RGS7: variants seen among roughly 807,000 people sequenced by gnomAD.
RGS7 encodes the protein regulator of G-protein signaling 7.
A neutral mutation model predicts 81.1 loss-of-function variants in RGS7; 27 were observed. That is an observed-to-expected ratio of 0.33 (90% CI 0.25 to 0.46). The LOEUF is 0.46. RGS7 is among the 20% of genes least tolerant of loss of function. The pLI is 1.00. For missense variants in RGS7, 396 were observed against 607.4 expected (o/e 0.65, Z 3.66); for synonymous variants, 208 against 207.7 (o/e 1.00, Z -0.01).
chr1:240,967,640 T>C (rs1002563254), intron 4 of RGS7, among the ~76,000 whole-genome samples: 2 of 147,668 alleles, frequency 1.4e-5, no homozygotes, highest in Non-Finnish European at 3.0e-5. Flanking sequence ...AGACATGAGA[T>C]ACTGGTTCAC....
chr1:240,830,868 G>T (rs1450341090), intron 9 of RGS7, among the ~76,000 whole-genome samples: 2 of 152,112 alleles, frequency 1.3e-5, no homozygotes, highest in African/African-American at 2.4e-5. Flanking sequence ...CCTCCCCAGA[G>T]GAACATATCT....
chr1:240,825,940 G>T (rs1692732943), intron 10 of RGS7, among the ~76,000 whole-genome samples: 1 of 152,208 alleles, frequency 6.6e-6, no homozygotes, highest in Non-Finnish European at 1.5e-5. Flanking sequence ...ACCCAATAAA[G>T]TATTTCGAAG....
At chr1:240,790,606 TA>T in intron 18 of RGS7, among the ~76,000 whole-genome samples, 1 of 152,320 alleles carries the variant, frequency 6.6e-6, no homozygotes, top group African/African-American at 2.4e-5. Context: ...CTAGGATTAA[TA>T]GCTGGAAGTT....
chr1:241,336,428 T>A (rs1423137084), intron 2 of RGS7, among the ~76,000 whole-genome samples: 1 of 152,134 alleles, frequency 6.6e-6, no homozygotes, highest in South Asian at 2.1e-4. Context: ...AAGTAGAAAC[T>A]AAGAGAAGGA....
At chr1:241,116,021 T>C (rs2065865885) in intron 2 of RGS7, among the ~76,000 whole-genome samples, 2 of 152,148 alleles carry the variant, frequency 1.3e-5, no homozygotes, top group Admixed American at 1.3e-4. Context: ...CCACCACGTG[T>C]GCTTCCTCTT....
intron 3 of RGS7, among the ~76,000 whole-genome samples, chr1:241,096,535 A>G (rs2064270929): frequency 6.6e-6 from 1 of 152,202 alleles, no homozygotes; most frequent in South Asian, 2.1e-4. Context: ...CATTAACGTG[A>G]AAAATGTCAT....
chr1:241,252,122 C>A (rs2076861842), intron 2 of RGS7, among the ~76,000 whole-genome samples: 1 of 151,516 alleles, frequency 6.6e-6, no homozygotes. Context: ...CGGCTCACTG[C>A]AACCTCCACC....
At chr1:240,827,205 C>A (rs779892114) in intron 9 of RGS7, 33 bp from the exon 10 acceptor site, 2 of 1,552,232 alleles carry the variant, frequency 1.3e-6, no homozygotes, top group Non-Finnish European at 1.8e-6. Flanking sequence ...ACAAATGAAT[C>A]TTTGGGTGTG....
chr1:240,855,308 C>CAAAAAAAAAAAAA (rs758331434), intron 9 of RGS7, among the ~76,000 whole-genome samples: 3 of 14,922 alleles, frequency 2.0e-4, no homozygotes, highest in African/African-American at 5.5e-4. Context: ...GACCATGTCT[C>CAAAAAAAAAAAAA]AAAAAAAAAA....
intron 2 of RGS7, among the ~76,000 whole-genome samples, chr1:241,221,039 A>AAGGAAGGAAGGAAGGAAGGAAAAG (rs1553289605): frequency 2.2e-5 from 2 of 92,792 alleles, no homozygotes; most frequent in African/African-American, 7.9e-5. Context: ...GGAAGGAAGG[A>AAGGAAGGAAGGAAGGAAGGAAAAG]AAAGAAAGAA....
intron 3 of RGS7, among the ~76,000 whole-genome samples, chr1:241,089,259 G>A (rs144640677): frequency 0.045 from 6,843 of 150,548 alleles, 545 homozygotes; most frequent in African/African-American, 0.16. Flanking sequence ...AAGAGAGGAA[G>A]TGATACCAGA....
intron 2 of RGS7, among the ~76,000 whole-genome samples, chr1:241,153,569 G>A (rs577547711): frequency 3.9e-5 from 6 of 152,362 alleles, no homozygotes; most frequent in African/African-American, 1.2e-4. Flanking sequence ...ACAGAGGGGG[G>A]CTTGCCCCAG....
chr1:240,845,485 C>T (rs1488349954), intron 9 of RGS7, among the ~76,000 whole-genome samples: 2 of 152,174 alleles, frequency 1.3e-5, no homozygotes, highest in Non-Finnish European at 2.9e-5. Flanking sequence ...ACAAAGTTTG[C>T]ATCCTATGCA....
chr1:240,812,065 C>G, intron 13 of RGS7, 22 bp from the exon 14 acceptor site: 1 of 1,613,856 alleles, frequency 6.2e-7, no homozygotes, highest in Non-Finnish European at 8.5e-7. Flanking sequence ...AAAACAAAGG[C>G]AAATACATTC....
chr1:240,996,695 T>C (rs1687340542), intron 3 of RGS7, among the ~76,000 whole-genome samples: 1 of 152,204 alleles, frequency 6.6e-6, no homozygotes, highest in Non-Finnish European at 1.5e-5. Context: ...TGTTGTTATA[T>C]TTGAAGCAAG....
At chr1:241,217,066 G>A (rs887502017) in intron 2 of RGS7, among the ~76,000 whole-genome samples, 2 of 152,180 alleles carry the variant, frequency 1.3e-5, no homozygotes, top group African/African-American at 4.8e-5. Context: ...CTAACCTCCA[G>A]TGTGGCTGTA....
chr1:240,920,957 A>G (rs1260232289), intron 6 of RGS7, among the ~76,000 whole-genome samples: 1 of 124,870 alleles, frequency 8.0e-6, no homozygotes, highest in Non-Finnish European at 1.8e-5. Flanking sequence ...TTTTTTTTTT[A>G]ATGTACTGTA....
Position 241,283,343 on chromosome 1 carries a change from T to C in RGS7, c.78+72356A>G, listed in dbSNP as rs1273273901. On this transcript the variant is annotated intron_variant, in intron 2 of 18. Transcript: ENST00000440928. ...TTACAGCAGGTCTGCTGGCAGTATA[T>C]TCTATTAGTTTTCCTCCATTTGAGA... Among the ~76,000 whole-genome samples, 3 of 152,230 alleles carry C rather than the reference T, an allele frequency of 2.0e-5. No homozygotes were observed. The East Asian group carries it at 5.8e-4, about 29-fold the overall frequency.
chr1:240,969,661 T>G (rs892483888), intron 4 of RGS7, among the ~76,000 whole-genome samples: 1 of 152,204 alleles, frequency 6.6e-6, no homozygotes, highest in Non-Finnish European at 1.5e-5. Flanking sequence ...GTCACAAAAC[T>G]CTGGGACTGG....
Sources: gnomAD v4.1 joint callset for allele counts (sites outside exome capture counted in the v4.1 genomes callset) on GRCh38, gnomAD v4.1.1 for gene constraint, MANE v1.5 for transcripts, NCBI Gene and HGNC (gene_info 2026-07-23, HGNC 2026-07-21) for gene names.